The following NOPCHAP1 variants were observed in gnomAD, a reference collection of about 807,000 sequenced individuals.
NOPCHAP1 encodes NOP protein chaperone 1, also known as DNA damage-sensitive RNA 1.
Under a neutral mutation model 14.0 loss-of-function variants are expected in NOPCHAP1, and 13 were observed. The ratio of observed to expected loss-of-function variants is 0.93; its 90% CI spans 0.60 to 1.47. NOPCHAP1 has a LOEUF of 1.47. Among genes scored for constraint, NOPCHAP1 ranks in the 40% most tolerant of loss-of-function variants. The pLI is 0.00. For synonymous variants in NOPCHAP1, 78 were observed against 78.4 expected, an observed-to-expected ratio of 1.00 and a Z score of 0.03; for missense variants, 230 against 226.9, an observed-to-expected ratio of 1.01 and a Z score of -0.09.
In NOPCHAP1 at chr12:105,003,121, G is replaced by A. The variant is rs1873642351; in HGVS notation, c.*8425G>A. 6.6e-6 allele frequency: 1 copy of A among 152,184 alleles called. No individual in the cohort carries two copies. The highest frequency in any genetic ancestry group is 2.4e-5 in the African/African-American group (1 of 41,442). 9.4% of individuals were successfully genotyped at this position (152,184 alleles called of 1,614,324 possible). On this transcript the variant is annotated 3_prime_UTR_variant, in exon 4 of 4. Coordinates refer to ENST00000552951, the MANE Select transcript of NOPCHAP1 (RefSeq NM_152318.3). The stretch of plus-strand genomic sequence containing the variant: ...GTAAGGAATCTTTTACTACCTGTAT[G>A]TACCAATTTAAAGAATGCATCTCAT...
At chr12:104,987,579 AGTTTTGT>A (rs1442606966) in intron 1 of NOPCHAP1, among the ~76,000 whole-genome samples, 1 of 152,126 alleles carries the variant, frequency 6.6e-6, no homozygotes, top group African/African-American at 2.4e-5. Flanking sequence ...CAAAGCCTTG[AGTTTTGT>A]ACGTTCCCCT....
At position 105,016,935 on chromosome 12, in the gene NOPCHAP1, T is replaced by C. The variant is rs1873958897; in HGVS notation, c.*22239T>C. 6.6e-6 allele frequency: 1 copy of C among 152,234 alleles called. No individual in the cohort carries two copies. The highest frequency in any genetic ancestry group is 6.5e-5 in the Admixed American group (1 of 15,278). The allele number at this position is 152,234 out of a possible 1,614,324, so 9.4% of individuals were successfully genotyped here. Reference sequence around the variant, plus strand: ...ACCCTGATGCTTAGGTGTGAGTTGATGGCAGTTTGGCATTTGGAGAGCAGT... The same window carrying C: ...ACCCTGATGCTTAGGTGTGAGTTGACGGCAGTTTGGCATTTGGAGAGCAGT... On this transcript the variant is annotated 3_prime_UTR_variant, in exon 4 of 4. Transcript: ENST00000552951.
rs755650170 is a variant in NOPCHAP1 at position 104,988,221 on chromosome 12, C to T, written c.170C>T (p.Thr57Ile). 1.2e-6 allele frequency: 2 copies of T among 1,612,860 alleles called. No individual in the cohort carries two copies. Among genetic ancestry groups the T allele is most frequent in the African/African-American group, 1.3e-5 (1 of 74,920 alleles). Residue 57 changes from threonine (T) to isoleucine (I), a missense_variant, in exon 2 of 4, where the codon ACT becomes ATT. Transcript: ENST00000552951. ...CAACCTAAGTCCAGAAAGACCTCCA[C>T]TCTTCAAACAGTTCGGATAGAGAGG... The part of the protein sequence containing the change: ...NSQPKSRKTS[T>I]LQTVRIERSP...
Position 104,996,724 on chromosome 12 carries a change from T to C in NOPCHAP1, c.*2028T>C, listed in dbSNP as rs1873508996. ...AGTGGGGTGTTAAAGTCTCCCACTA[T>C]TATCTAGCTCTCTTTGTAGGTCTCT... On this transcript the variant is annotated 3_prime_UTR_variant, in exon 4 of 4. Transcript: ENST00000552951. 6.6e-6 allele frequency: 1 copy of C among 152,260 alleles called. No individual in the cohort carries two copies. Among genetic ancestry groups the C allele is most frequent in the Non-Finnish European group, 1.5e-5 (1 of 68,050 alleles). The allele number at this position is 152,260 out of a possible 1,614,324, so 9.4% of individuals were successfully genotyped here.
At chr12:104,991,256 A>G (rs1873367823) in intron 2 of NOPCHAP1, among the ~76,000 whole-genome samples, 1 of 152,206 alleles carries the variant, frequency 6.6e-6, no homozygotes, top group African/African-American at 2.4e-5. Flanking sequence ...TTAAAAGGAA[A>G]GCCAGGGTTA....
rs1195702171 is a variant in NOPCHAP1 at position 105,009,181 on chromosome 12, G to T, written c.*14485G>T. ...CTTTGAGCAAGTTCTCCTTGAAGAG[G>T]TCCTTCACATCCCTAGTAAGTTGGA... is the stretch of plus-strand genomic sequence containing the variant. On this transcript the variant is annotated 3_prime_UTR_variant, in exon 4 of 4. Coordinates refer to ENST00000552951, the MANE Select transcript of NOPCHAP1 (RefSeq NM_152318.3). 3 of 152,044 alleles carry T rather than the reference G, an allele frequency of 2.0e-5. No homozygotes were observed. The highest frequency in any genetic ancestry group is 4.4e-5 in the Non-Finnish European group (3 of 68,006). 9.4% of individuals were successfully genotyped at this position (152,044 alleles called of 1,614,324 possible).
rs998997968 is a variant in NOPCHAP1 at position 105,016,653 on chromosome 12, C to A, written c.*21957C>A. On this transcript the variant is annotated 3_prime_UTR_variant, in exon 4 of 4. Transcript: ENST00000552951. ...AGCTCCCCTTTATAAAACCATCAGA[C>A]CTGGTGAGACTTATTCACATGAGAA... 1 of 152,110 alleles carries A rather than the reference C, an allele frequency of 6.6e-6. No individual in the cohort carries two copies. Among genetic ancestry groups the A allele is most frequent in the African/African-American group, 2.4e-5 (1 of 41,412 alleles). The allele number at this position is 152,110 out of a possible 1,614,324, so 9.4% of individuals were successfully genotyped here.
rs1873652086 is a variant in NOPCHAP1, at chr12:105,003,548, G to T, written c.*8852G>T. 1 of 152,196 alleles carries T rather than the reference G, an allele frequency of 6.6e-6. No individual in the cohort carries two copies. The highest frequency in any genetic ancestry group is 1.5e-5 in the Non-Finnish European group (1 of 68,038). 9.4% of individuals were successfully genotyped at this position (152,196 alleles called of 1,614,324 possible). On this transcript the variant is annotated 3_prime_UTR_variant, in exon 4 of 4. Coordinates refer to ENST00000552951, the MANE Select transcript of NOPCHAP1 (RefSeq NM_152318.3). ...CACAACCTCCAGTTGCTGTGAGAGA[G>T]GAATGGTTACAATAGACCCAGCAAA...
intron 3 of NOPCHAP1, 124 bp downstream of exon 3, chr12:104,991,972 G>T: frequency 8.6e-7 from 1 of 1,160,986 alleles, no homozygotes; most frequent in South Asian, 1.8e-5. Flanking sequence ...TTCCAATGTT[G>T]TATAGGTACA....
rs913547453 is a variant in NOPCHAP1 at position 105,006,489 on chromosome 12, A to G, written c.*11793A>G. ...CATTGTCTAATATCAAAAGAACTAT[A>G]AAAGACAGTTCCTTATTTGCAAGAT... On this transcript the variant is annotated 3_prime_UTR_variant, in exon 4 of 4. Coordinates refer to ENST00000552951, the MANE Select transcript of NOPCHAP1 (RefSeq NM_152318.3). 7.2e-5 allele frequency: 11 copies of G among 152,212 alleles called. No individual in the cohort carries two copies. Among genetic ancestry groups the G allele is most frequent in the South Asian group, 2.1e-4 (1 of 4,834 alleles). 9.4% of individuals were successfully genotyped at this position (152,212 alleles called of 1,614,324 possible). A position where few individuals can be genotyped will look rare whatever the true frequency, so the allele number is the denominator to read the frequency against.
chr12:104,990,859 TC>T (rs1873359596), intron 2 of NOPCHAP1, among the ~76,000 whole-genome samples: 1 of 152,190 alleles, frequency 6.6e-6, no homozygotes, highest in South Asian at 2.1e-4. Flanking sequence ...TTATGTTGGC[TC>T]TTTTTATTGG....
At position 105,007,163 on chromosome 12, in the gene NOPCHAP1, T is replaced by C. The variant is rs1158722536; in HGVS notation, c.*12467T>C. 1.3e-5 allele frequency: 2 copies of C among 152,182 alleles called. No homozygotes were observed. The highest frequency in any genetic ancestry group is 4.8e-5 in the African/African-American group (2 of 41,450). 9.4% of individuals were successfully genotyped at this position (152,182 alleles called of 1,614,324 possible). A position where few individuals can be genotyped will look rare whatever the true frequency, so the allele number is the denominator to read the frequency against. ...AATAACTTCCCTGTTTTTCAAATCATATGAGAGTCTGTAGCCTTTTTGATA... is the reference window on the plus strand; with the variant it reads ...AATAACTTCCCTGTTTTTCAAATCACATGAGAGTCTGTAGCCTTTTTGATA... On this transcript the variant is annotated 3_prime_UTR_variant, in exon 4 of 4. Coordinates refer to ENST00000552951, the MANE Select transcript of NOPCHAP1 (RefSeq NM_152318.3).
chr12:104,997,430 T>C lies in NOPCHAP1; in HGVS notation c.*2734T>C, dbSNP rs1274595461. ...GGGTGTGGCACACCAGCATGGCACA[T>C]GTATACATATGTAACTAACCAGCAC... On this transcript the variant is annotated 3_prime_UTR_variant, in exon 4 of 4. Transcript: ENST00000552951. 3 of 152,240 alleles carry C rather than the reference T, an allele frequency of 2.0e-5. No homozygotes were observed. The highest frequency in any genetic ancestry group is 7.2e-5 in the African/African-American group (3 of 41,468). The allele number at this position is 152,240 out of a possible 1,614,324, so 9.4% of individuals were successfully genotyped here.
chr12:105,002,362 G>A lies in NOPCHAP1; in HGVS notation c.*7666G>A, dbSNP rs529733153. 2 of 152,222 alleles carry A rather than the reference G, an allele frequency of 1.3e-5. No individual in the cohort carries two copies. The highest frequency in any genetic ancestry group is 4.2e-4 in the South Asian group (2 of 4,816). 9.4% of individuals were successfully genotyped at this position (152,222 alleles called of 1,614,324 possible). A position where few individuals can be genotyped will look rare whatever the true frequency, so the allele number is the denominator to read the frequency against. The stretch of plus-strand genomic sequence containing the variant: ...ATCCTGGTTTGTGTTTTTTATTCAG[G>A]TTACTAAGTTCAGGATGAGCTCCAT... On this transcript the variant is annotated 3_prime_UTR_variant, in exon 4 of 4. Coordinates refer to ENST00000552951, the MANE Select transcript of NOPCHAP1 (RefSeq NM_152318.3).
In NOPCHAP1 at chr12:104,986,358, G is replaced by A. The variant is rs78938272; in HGVS notation, c.6G>A (p.Glu2=). The A allele has an allele frequency of 4.2e-5, 67 of 1,608,404 alleles. No individual in the cohort carries two copies. In the East Asian group the frequency reaches 1.5e-3, roughly 35 times the overall value. Residue 2 remains glutamate, a synonymous_variant, in exon 1 of 4, where the codon GAG becomes GAA. Coordinates refer to ENST00000552951, the MANE Select transcript of NOPCHAP1 (RefSeq NM_152318.3). M[E]VHGKPKASPS... is the part of the protein sequence containing the mutation. ...AGTGCAGGCTTGAGGGAAGCATGGA[G>A]GTCCATGGCAAGCCCAAGGCTAGCC... is the stretch of plus-strand genomic sequence containing the variant.
intron 3 of NOPCHAP1, 119 bp from the exon 4 acceptor site, chr12:104,994,359 A>G: frequency 9.7e-7 from 1 of 1,028,482 alleles, no homozygotes; most frequent in Non-Finnish European, 1.5e-6. Flanking sequence ...AAAAAAACCA[A>G]ATTCTTATCC....
chr12:104,990,697 CT>C (rs1301741694), intron 2 of NOPCHAP1, among the ~76,000 whole-genome samples: 1 of 152,148 alleles, frequency 6.6e-6, no homozygotes, highest in Non-Finnish European at 1.5e-5. Flanking sequence ...TTGTTGACTG[CT>C]CTGTATTTGG....
rs1873674139 is a variant in NOPCHAP1 at position 105,004,789 on chromosome 12, T to C, written c.*10093T>C. 6.6e-6 allele frequency: 1 copy of C among 152,206 alleles called. No homozygotes were observed. Among genetic ancestry groups the C allele is most frequent in the Non-Finnish European group, 1.5e-5 (1 of 68,040 alleles). 9.4% of individuals were successfully genotyped at this position (152,206 alleles called of 1,614,324 possible). On this transcript the variant is annotated 3_prime_UTR_variant, in exon 4 of 4. Coordinates refer to ENST00000552951, the MANE Select transcript of NOPCHAP1 (RefSeq NM_152318.3). ...TGCTGACCCCCTTTGTGGTCAAAAATCTATGTATAACTTTTGACTCCCTGA... is the reference window on the plus strand; with the variant it reads ...TGCTGACCCCCTTTGTGGTCAAAAACCTATGTATAACTTTTGACTCCCTGA...
chr12:104,994,172 C>A (rs1260296150), intron 3 of NOPCHAP1, among the ~76,000 whole-genome samples: 3 of 152,086 alleles, frequency 2.0e-5, no homozygotes, highest in Non-Finnish European at 4.4e-5. Context: ...GGGTGAAACC[C>A]CATCTCTACT....
Sources: gnomAD v4.1 joint callset for allele counts (sites outside exome capture counted in the v4.1 genomes callset) on GRCh38, gnomAD v4.1.1 for gene constraint, MANE v1.5 for transcripts, NCBI Gene and HGNC (gene_info 2026-07-23, HGNC 2026-07-21) for gene names.